Variants in SENP2 observed in about 807,000 individuals in gnomAD.
SENP2 encodes sentrin-specific protease 2.
Under a neutral mutation model 86.3 loss-of-function variants are expected in SENP2, and 16 were observed. The ratio of observed to expected loss-of-function variants is 0.19; its 90% CI spans 0.13 to 0.28. The LOEUF (loss-of-function observed/expected upper bound fraction) is 0.28, where lower values mean the gene tolerates loss of function less well. Ranked by LOEUF, SENP2 falls within the 10% of genes least tolerant of loss-of-function variation. The pLI, the probability that SENP2 is intolerant of heterozygous loss-of-function variation, is 1.00. For synonymous variants in SENP2, 222 were observed against 238.7 expected, an observed-to-expected ratio of 0.93 and a Z score of 0.64; for missense variants, 552 against 703.0, an observed-to-expected ratio of 0.79 and a Z score of 2.43.
Position 185,622,814 on chromosome 3 carries a change from ATGC to A in SENP2, c.1526+911_1526+913del, listed in dbSNP as rs1255735339. Reference sequence around the variant, plus strand: ...TGAAAATTCATACTTTATTACATTCATGCTTTTTTTTTTTTTTTTTTTTTTTTG... The same window carrying A: ...TGAAAATTCATACTTTATTACATTCATTTTTTTTTTTTTTTTTTTTTTTTG... On this transcript the variant is annotated intron_variant, in intron 14 of 16. Transcript: ENST00000296257. 3.6e-3 allele frequency among the ~76,000 whole-genome samples: 467 copies of A among 128,242 alleles called. 5 individuals carry two copies. Among genetic ancestry groups the A allele is most frequent in the African/African-American group, 0.013 (439 of 33,844 alleles). 84.1% of individuals were successfully genotyped at this position (128,242 alleles called of 152,430 possible).
intron 2 of SENP2, among the ~76,000 whole-genome samples, chr3:185,592,685 C>T (rs1469727204): frequency 1.3e-5 from 2 of 150,820 alleles, no homozygotes; most frequent in Admixed American, 6.6e-5. Flanking sequence ...GGCACATTCT[C>T]GGCCCACTGC....
At position 185,592,011 on chromosome 3, in the gene SENP2, C is replaced by CTTTTTTTTTTTTTTTTTTTTTTT. The variant is rs149268515; in HGVS notation, c.157+1843_157+1865dup. Among the ~76,000 whole-genome samples, 17 of 65,798 alleles carry CTTTTTTTTTTTTTTTTTTTTTTT rather than the reference C, an allele frequency of 2.6e-4. 1 individual carries two copies. The highest frequency in any genetic ancestry group is 5.0e-4 in the Admixed American group (2 of 3,978). 43.2% of individuals were successfully genotyped at this position (65,798 alleles called of 152,430 possible). On this transcript the variant is annotated intron_variant, in intron 2 of 16. Transcript: ENST00000296257. ...CTGTCTTTAAGAACCGGTAATATTT[C>CTTTTTTTTTTTTTTTTTTTTTTT]TTTTTTTTTTTTTTTTTTTTTTTGA... is the stretch of plus-strand genomic sequence containing the variant.
chr3:185,606,370 G>A lies in SENP2; in HGVS notation c.490G>A (p.Gly164Ser), dbSNP rs534980872. ...AGAAGGCTGTAATAGAAGACCAGGT[G>A]GCCGTCGCCATAGCAAAGGTAATCC... ...NSEGCNRRPG[G>S]RRHSKGNPES... The change falls in exon 6 of 17, where the codon GGC (glycine) becomes AGC (serine). Residue 164 changes from glycine to serine, a missense_variant. Gly to Ser is a moderately conservative substitution (Grantham distance 56). Coordinates refer to ENST00000296257, the MANE Select transcript of SENP2 (RefSeq NM_021627.3). 5 of 1,612,278 alleles carry A rather than the reference G, an allele frequency of 3.1e-6. No homozygotes were observed. Among genetic ancestry groups the A allele is most frequent in the East Asian group, 2.2e-5 (1 of 44,862 alleles).
rs931439231 is a variant in SENP2, at chr3:185,632,292, T to C, written c.*2448T>C. ...TCTTGTCGCCCAGGCTGGAGTACAATGGTGTGATCTCAGCTCACTGCAACC... is the reference window on the plus strand; with the variant it reads ...TCTTGTCGCCCAGGCTGGAGTACAACGGTGTGATCTCAGCTCACTGCAACC... On this transcript the variant is annotated 3_prime_UTR_variant, in exon 17 of 17. Coordinates refer to ENST00000296257, the MANE Select transcript of SENP2 (RefSeq NM_021627.3). 1 of 134,556 alleles carries C rather than the reference T, an allele frequency of 7.4e-6. No homozygotes were observed. Among genetic ancestry groups the C allele is most frequent in the Non-Finnish European group, 1.6e-5 (1 of 64,084 alleles). The allele number at this position is 134,556 out of a possible 1,614,324, so 8.3% of individuals were successfully genotyped here. A position where few individuals can be genotyped will look rare whatever the true frequency, so the allele number is the denominator to read the frequency against.
rs754715796 is a variant in SENP2, at chr3:185,614,625, G to C, written c.995G>C (p.Gly332Ala). The change falls in exon 11 of 17, where the codon GGC (glycine) becomes GCC (alanine). Residue 332 changes from glycine (G) to alanine (A), a missense_variant. This residue lies in a region of SENP2 where 383 missense variants were observed against 427.3 expected (regional missense o/e 0.90). Coordinates refer to ENST00000296257, the MANE Select transcript of SENP2 (RefSeq NM_021627.3). ...GAAGTGTCGGCCCGACTCCGCCTGG[G>C]CAGTGGAAGCAATGGCTTACTCAGG... ...SEEVSARLRL[G>A]SGSNGLLRRK... 2 of 1,614,246 alleles carry C rather than the reference G, an allele frequency of 1.2e-6. No homozygotes were observed. The highest frequency in any genetic ancestry group is 3.3e-5 in the Admixed American group (2 of 60,018).
In SENP2 at chr3:185,627,662, C is replaced by T. The variant is rs537234592; in HGVS notation, c.1707+1269C>T. 7.9e-5 allele frequency among the ~76,000 whole-genome samples: 12 copies of T among 152,334 alleles called. No homozygotes were observed. The South Asian group carries it at 2.5e-3, about 32-fold the overall frequency. On this transcript the variant is annotated intron_variant, in intron 16 of 16. Coordinates refer to ENST00000296257, the MANE Select transcript of SENP2 (RefSeq NM_021627.3). ...TCCTGACCTCGTGATCCACCTGCCT[C>T]AGCCTCCCAAAGTGCTGGGATTACA...
At chr3:185,622,732 G>T (rs1166018196) in intron 14 of SENP2, among the ~76,000 whole-genome samples, 1 of 150,426 alleles carries the variant, frequency 6.6e-6, no homozygotes, top group Non-Finnish European at 1.5e-5. Context: ...CCCATGTATA[G>T]AAATGTTCTT....
intron 3 of SENP2, among the ~76,000 whole-genome samples, chr3:185,598,747 T>C (rs1275908642): frequency 6.6e-6 from 1 of 152,204 alleles, no homozygotes; most frequent in African/African-American, 2.4e-5. Flanking sequence ...GAGCTAAATA[T>C]TATTACATAT....
chr3:185,623,976 C>A lies in SENP2; in HGVS notation c.1527-22C>A, dbSNP rs899038212. 4 of 1,423,138 alleles carry A rather than the reference C, an allele frequency of 2.8e-6. No individual in the cohort carries two copies. The African/African-American group carries it at 4.2e-5, about 15-fold the overall frequency. The allele number at this position is 1,423,138 out of a possible 1,614,324, so 88.2% of individuals were successfully genotyped here. ...TTCTTTAGGGATTTATTGATGTATTCCTTCTTTGTTTTGCTTTTTAGTCAG... is the reference window on the plus strand; with the variant it reads ...TTCTTTAGGGATTTATTGATGTATTACTTCTTTGTTTTGCTTTTTAGTCAG... On this transcript the variant is annotated intron_variant, in intron 14 of 16. Transcript: ENST00000296257.
At chr3:185,609,425 A>C in intron 7 of SENP2, 75 bp downstream of exon 7, 1 of 1,074,120 alleles carries the variant, frequency 9.3e-7, no homozygotes. Context: ...TATTGGTGGG[A>C]AGGGCTTTAC....
At chr3:185,606,604 G>GT (rs1315711994) in intron 6 of SENP2, 106 bp downstream of exon 6, 1 of 997,882 alleles carries the variant, frequency 1.0e-6, no homozygotes, top group Non-Finnish European at 1.4e-6. Context: ...ACCATTGTAG[G>GT]TTTTCCTACA....
In SENP2 at chr3:185,614,758, G is replaced by C; in HGVS notation, c.1110+18G>C. ...TTACAGAGGTATTGTTCTTTGTATTGATCCTAAAAAGAGGCATGTCTTTAA... is the reference window on the plus strand; with the variant it reads ...TTACAGAGGTATTGTTCTTTGTATTCATCCTAAAAAGAGGCATGTCTTTAA... On this transcript the variant is annotated intron_variant, in intron 11 of 16. Transcript: ENST00000296257. 1 of 1,604,322 alleles carries C rather than the reference G, an allele frequency of 6.2e-7. No homozygotes were observed. The highest frequency in any genetic ancestry group is 1.8e-5 in the Admixed American group (1 of 56,934).
At chr3:185,589,806 CACTT>C (rs1466270021) in intron 1 of SENP2, among the ~76,000 whole-genome samples, 3 of 152,256 alleles carry the variant, frequency 2.0e-5, no homozygotes, top group Non-Finnish European at 4.4e-5. Flanking sequence ...GGACCACACT[CACTT>C]ACCACCAAGG....
chr3:185,627,406 G>GT (rs1397063373), intron 16 of SENP2, among the ~76,000 whole-genome samples: 1 of 151,932 alleles, frequency 6.6e-6, no homozygotes, highest in Non-Finnish European at 1.5e-5. Context: ...GCTCTTTTGT[G>GT]TTTGTTTTGT....
At chr3:185,607,063 CCT>C (rs1722537757) in intron 6 of SENP2, among the ~76,000 whole-genome samples, 1 of 150,958 alleles carries the variant, frequency 6.6e-6, no homozygotes, top group African/African-American at 2.4e-5. Context: ...CTCACTGCAA[CCT>C]CTGTCTCCCA....
chr3:185,627,829 C>A (rs1336988190), intron 16 of SENP2, among the ~76,000 whole-genome samples: 3 of 152,110 alleles, frequency 2.0e-5, no homozygotes, highest in Non-Finnish European at 2.9e-5. Flanking sequence ...CTGAGGACAA[C>A]CTCATTAAAG....
chr3:185,596,826 C>G lies in SENP2; in HGVS notation c.158-1586C>G, dbSNP rs146844916. 7.2e-5 allele frequency among the ~76,000 whole-genome samples: 11 copies of G among 152,128 alleles called. No individual in the cohort carries two copies. The East Asian group carries it at 2.1e-3, about 29-fold the overall frequency. On this transcript the variant is annotated intron_variant, in intron 2 of 16. Transcript: ENST00000296257. ...CCTTGTTGTTTAATCATGCCCTCAC[C>G]TCTGTGGTAAAAGTTTATTTATTTA...
Position 185,590,930 on chromosome 3 carries a change from A to G in SENP2, c.157+761A>G, listed in dbSNP as rs531093944. On this transcript the variant is annotated intron_variant, in intron 2 of 16. Transcript: ENST00000296257. ...TTTTTTTTTTTTTTTTTTTTGAGAC[A>G]GAGTCTTGCTCTGTCGCAGGCTGGA... is the stretch of plus-strand genomic sequence containing the variant. Among the ~76,000 whole-genome samples the G allele has an allele frequency of 2.9e-4, 23 of 79,080 alleles. No homozygotes were observed. The East Asian group carries it at 8.5e-3, about 29-fold the overall frequency. The allele number at this position is 79,080 out of a possible 152,430, so 51.9% of individuals were successfully genotyped here. A position where few individuals can be genotyped will look rare whatever the true frequency, so the allele number is the denominator to read the frequency against.
intron 16 of SENP2, among the ~76,000 whole-genome samples, chr3:185,626,604 C>A (rs1026185811): frequency 2.0e-5 from 3 of 151,182 alleles, no homozygotes; most frequent in Non-Finnish European, 4.4e-5. Context: ...GAAACCCCAT[C>A]TCTACTAAAA....
Sources: gnomAD v4.1 joint callset for allele counts (sites outside exome capture counted in the v4.1 genomes callset) on GRCh38, gnomAD v4.1.1 for gene constraint, gnomAD v4.1.1 regional missense constraint, MANE v1.5 for transcripts, NCBI Gene and HGNC (gene_info 2026-07-23, HGNC 2026-07-21) for gene names.